The following DDTL variants were observed in gnomAD, a reference collection of about 807,000 sequenced individuals.
The protein encoded by DDTL is putative D-dopachrome decarboxylase-like protein.
DDTL carries 1 observed loss-of-function variant against 1.1 expected under a neutral mutation model. That is an observed-to-expected ratio of 0.91 (90% CI 0.32 to 4.31). The LOEUF (loss-of-function observed/expected upper bound fraction) is 4.31. Ranked by LOEUF, DDTL falls within the 30% of genes most tolerant of loss-of-function variation. The pLI, the probability that DDTL is intolerant of heterozygous loss-of-function variation, is 0.17. For missense variants in DDTL, 54 were observed against 48.9 expected (o/e 1.10, Z -0.31); for synonymous variants, 21 against 16.6 (o/e 1.26, Z -0.64).
rs2033923452 is a variant in DDTL at position 23,972,343 on chromosome 22, T to C, written c.*937T>C. On this transcript the variant is annotated 3_prime_UTR_variant, in exon 3 of 3. Transcript: ENST00000215770. The stretch of plus-strand genomic sequence containing the variant: ...TTTTCCCTGAGTATCCGTGGGAGAT[T>C]TGTTCTAGAATCCCCAGAGGAAACC... 2.0e-6 allele frequency: 1 copy of C among 493,608 alleles called. No homozygotes were observed. The highest frequency in any genetic ancestry group is 6.6e-5 in the Admixed American group (1 of 15,166). The allele number at this position is 493,608 out of a possible 1,614,324, so 30.6% of individuals were successfully genotyped here.
intron 2 of DDTL, among the ~76,000 whole-genome samples, chr22:23,970,530 CGT>C (rs1326513584): frequency 4.0e-5 from 6 of 150,858 alleles, no homozygotes; most frequent in African/African-American, 7.3e-5. Context: ...TGTGTGTGTA[CGT>C]GTGTGGGGAT....
At chr22:23,970,167 T>C (rs1358051432) in intron 2 of DDTL, among the ~76,000 whole-genome samples, 3 of 151,918 alleles carry the variant, frequency 2.0e-5, no homozygotes, top group Admixed American at 6.6e-5. Context: ...AAGGCGGAGG[T>C]GACACTGGGA....
chr22:23,970,567 TTG>T (rs2146208374), intron 2 of DDTL, among the ~76,000 whole-genome samples: 1 of 150,238 alleles, frequency 6.7e-6, no homozygotes, highest in East Asian at 1.9e-4. Context: ...TGAATTTGAG[TTG>T]TGTGACTTTG....
At chr22:23,969,442 C>A (rs1292597276) in intron 2 of DDTL, 3 of 986,396 alleles carry the variant, frequency 3.0e-6, no homozygotes, top group Non-Finnish European at 2.4e-6. Context: ...GTGTGCAGCA[C>A]ACACGATGAG....
In DDTL at chr22:23,971,851, A is replaced by C; in HGVS notation, c.*445A>C. The C allele has an allele frequency of 1.8e-6, 1 of 560,940 alleles. No homozygotes were observed. Among genetic ancestry groups the C allele is most frequent in the African/African-American group, 1.9e-5 (1 of 53,294 alleles). 34.7% of individuals were successfully genotyped at this position (560,940 alleles called of 1,614,324 possible). ...ACATCATGACCCAGCTAGGACAGACACACAATACAGTAGCCTCGGTGTGTG... is the reference window on the plus strand; with the variant it reads ...ACATCATGACCCAGCTAGGACAGACCCACAATACAGTAGCCTCGGTGTGTG... On this transcript the variant is annotated 3_prime_UTR_variant, in exon 3 of 3. Transcript: ENST00000215770.
In DDTL at chr22:23,971,407, G is replaced by A. The variant is rs2033897896; in HGVS notation, c.*1G>A. On this transcript the variant is annotated 3_prime_UTR_variant, in exon 3 of 3. Transcript: ENST00000215770. ...AGCTCTCTTCATTTATTTCATATGA[G>A]GATGAAGAAGAGGATTATGTGATCA... 3 of 1,612,964 alleles carry A rather than the reference G, an allele frequency of 1.9e-6. No individual in the cohort carries two copies. The African/African-American group carries it at 4.0e-5, about 22-fold the overall frequency.
chr22:23,971,771 A>G lies in DDTL; in HGVS notation c.*365A>G. 1.4e-6 allele frequency: 1 copy of G among 691,124 alleles called. No homozygotes were observed. The highest frequency in any genetic ancestry group is 1.9e-5 in the South Asian group (1 of 52,010). The allele number at this position is 691,124 out of a possible 1,614,324, so 42.8% of individuals were successfully genotyped here. A position where few individuals can be genotyped will look rare whatever the true frequency, so the allele number is the denominator to read the frequency against. ...TGCAAACCTGCTCATCCCAATAATG[A>G]TTTTCCCCAACCCCCAGCAGGGCAG... On this transcript the variant is annotated 3_prime_UTR_variant, in exon 3 of 3. Transcript: ENST00000215770.
At chr22:23,969,359 T>C (rs533988936) in intron 2 of DDTL, 3 of 985,494 alleles carry the variant, frequency 3.0e-6, no homozygotes, top group East Asian at 1.1e-4. Context: ...TCTGAGGTAC[T>C]GTGTCCTTAG....
chr22:23,969,213 C>G (rs938525320), intron 2 of DDTL: 2 of 985,530 alleles, frequency 2.0e-6, no homozygotes, highest in Non-Finnish European at 2.4e-6. Context: ...ACTCCCCCGC[C>G]CTCAGCCAGG....
chr22:23,970,361 G>A (rs2033878412), intron 2 of DDTL, among the ~76,000 whole-genome samples: 1 of 152,114 alleles, frequency 6.6e-6, no homozygotes, highest in Admixed American at 6.5e-5. Flanking sequence ...TTAGTGAATT[G>A]TGTGTAAATG....
At chr22:23,969,571 T>C in intron 2 of DDTL, 1 of 972,742 alleles carries the variant, frequency 1.0e-6, no homozygotes, top group African/African-American at 1.9e-5. Flanking sequence ...GGATGAGCAC[T>C]TTTGCAAAAT....
In DDTL at chr22:23,971,550, A is replaced by G. The variant is rs1289901100; in HGVS notation, c.*144A>G. Reference sequence around the variant, plus strand: ...GATGCCCTGGATCCCTCCGTGCCCAATCATAAAAAAGTCATGACCGTCCCT... The same window carrying G: ...GATGCCCTGGATCCCTCCGTGCCCAGTCATAAAAAAGTCATGACCGTCCCT... On this transcript the variant is annotated 3_prime_UTR_variant, in exon 3 of 3. Transcript: ENST00000215770. 4.3e-6 allele frequency: 7 copies of G among 1,613,958 alleles called. No homozygotes were observed. The highest frequency in any genetic ancestry group is 4.5e-5 in the East Asian group (2 of 44,886).
In DDTL at chr22:23,972,137, C is replaced by G. The variant is rs927738278; in HGVS notation, c.*731C>G. 2.0e-6 allele frequency: 2 copies of G among 982,118 alleles called. No individual in the cohort carries two copies. Among genetic ancestry groups the G allele is most frequent in the African/African-American group, 3.5e-5 (2 of 57,046 alleles). The allele number at this position is 982,118 out of a possible 1,614,324, so 60.8% of individuals were successfully genotyped here. A position where few individuals can be genotyped will look rare whatever the true frequency, so the allele number is the denominator to read the frequency against. ...TGGGGCGGGCGGGAGTATGAACAGC[C>G]TGTCTTCTCATCATAAAATTGGCAT... On this transcript the variant is annotated 3_prime_UTR_variant, in exon 3 of 3. Transcript: ENST00000215770.
In DDTL at chr22:23,971,105, A is replaced by G. The variant is rs536070181; in HGVS notation, c.285-181A>G. Among the ~76,000 whole-genome samples, 7 of 152,320 alleles carry G rather than the reference A, an allele frequency of 4.6e-5. No homozygotes were observed. In the East Asian group the frequency reaches 1.4e-3, roughly 29 times the overall value. On this transcript the variant is annotated intron_variant, in intron 2 of 2. Coordinates refer to ENST00000215770, the MANE Select transcript of DDTL (RefSeq NM_001084393.2). ...AGGGAGTAGACTTCAGGAGGAGTAC[A>G]GAGGTCTGGTCCCATTTTGGGGCTG...
intron 2 of DDTL, chr22:23,969,129 A>G (rs2033855107): frequency 1.0e-6 from 1 of 975,778 alleles, no homozygotes; most frequent in South Asian, 4.8e-5. Flanking sequence ...TTGCTCAGAC[A>G]AGACATGCTA....
rs776810941 is a variant in DDTL at position 23,971,464 on chromosome 22, T to C, written c.*58T>C. 576 of 1,606,858 alleles carry C rather than the reference T, an allele frequency of 3.6e-4. No individual in the cohort carries two copies. The highest frequency in any genetic ancestry group is 4.4e-4 in the Non-Finnish European group (521 of 1,175,538). ...TGTTGCATGCGGGATAATCCAAAGC[T>C]GGTTATCTCCAGGCCCTCACTCTGC... On this transcript the variant is annotated 3_prime_UTR_variant, in exon 3 of 3. Coordinates refer to ENST00000215770, the MANE Select transcript of DDTL (RefSeq NM_001084393.2).
intron 2 of DDTL, among the ~76,000 whole-genome samples, chr22:23,970,511 G>GA (rs2033882019): frequency 6.6e-6 from 1 of 151,484 alleles, no homozygotes; most frequent in African/African-American, 2.4e-5. Context: ...TGAATGCTGT[G>GA]ATTGTGTGTG....
chr22:23,969,766 C>T, intron 2 of DDTL: 4 of 985,806 alleles, frequency 4.1e-6, no homozygotes, highest in Non-Finnish European at 4.8e-6. Flanking sequence ...CTGCAATAAT[C>T]TGAGTTTCCA....
Position 23,971,328 on chromosome 22 carries a change from C to G in DDTL, c.327C>G (p.Gly109=). 6.2e-7 allele frequency: 1 copy of G among 1,614,094 alleles called. No homozygotes were observed. Among genetic ancestry groups the G allele is most frequent in the South Asian group, 1.1e-5 (1 of 91,076 alleles). The change falls in exon 3 of 3, where the codon GGC becomes GGG. Residue 109 remains glycine (G), a synonymous_variant. Coordinates refer to ENST00000215770, the MANE Select transcript of DDTL (RefSeq NM_001084393.2). ...CCACCAGCCCTGCTGCCCATGGTGG[C>G]CCCAGATGCCCAGGAGAGATAATAG... ...VLSTSPAAHG[G]PRCPGEIIEG...
Sources: gnomAD v4.1 joint callset for allele counts (sites outside exome capture counted in the v4.1 genomes callset) on GRCh38, gnomAD v4.1.1 for gene constraint, MANE v1.5 for transcripts, NCBI Gene and HGNC (gene_info 2026-07-23, HGNC 2026-07-21) for gene names.